The following WIPI2 variants were observed in gnomAD, a reference collection of about 807,000 sequenced individuals.
The protein encoded by WIPI2 is WD repeat domain, phosphoinositide interacting 2.
WIPI2 carries 28 observed loss-of-function variants against 52.3 expected under a neutral mutation model. The observed-to-expected ratio is 0.54, with a 90% CI of 0.40 to 0.73. WIPI2 has a LOEUF of 0.73. Among genes scored for constraint, WIPI2 ranks in the 30% least tolerant of loss-of-function variants. The pLI is 0.00. For missense variants in WIPI2, 506 were observed against 602.9 expected (o/e 0.84, Z 1.68); for synonymous variants, 268 against 245.0 (o/e 1.09, Z -0.88).
rs747607185 is a variant in WIPI2 at position 5,225,859 on chromosome 7, C to T, written c.777C>T (p.Asp259=). 44 of 1,613,634 alleles carry T rather than the reference C, an allele frequency of 2.7e-5. No homozygotes were observed. The highest frequency in any genetic ancestry group is 1.6e-4 in the Middle Eastern group (1 of 6,084). ...VSICSLAFSM[D]GMFLSASSNT... is the part of the protein sequence containing the mutation. Reference sequence around the variant, plus strand: ...TCTGCTCCCTGGCCTTCAGCATGGACGGCATGTTCCTCTCCGCCTCCAGCA... The same window carrying T: ...TCTGCTCCCTGGCCTTCAGCATGGATGGCATGTTCCTCTCCGCCTCCAGCA... The change falls in exon 9 of 13, where the codon GAC becomes GAT. Residue 259 remains aspartate, a synonymous_variant. Coordinates refer to ENST00000288828, the MANE Select transcript of WIPI2 (RefSeq NM_015610.4).
intron 3 of WIPI2, among the ~76,000 whole-genome samples, chr7:5,209,880 T>C (rs576679753): frequency 4.2e-4 from 64 of 152,250 alleles, no homozygotes; most frequent in African/African-American, 1.5e-3. Flanking sequence ...ATATTTCTAC[T>C]TCTCCAGAAC....
chr7:5,194,625 A>G (rs1781653025), intron 2 of WIPI2, among the ~76,000 whole-genome samples: 2 of 152,172 alleles, frequency 1.3e-5, no homozygotes, highest in Non-Finnish European at 1.5e-5. Flanking sequence ...TACATTTTCT[A>G]ATTTTAAACA....
Position 5,231,064 on chromosome 7 carries a change from TAA to T in WIPI2, c.*129_*130del, listed in dbSNP as rs371468533. ...GGGGAGAGGATGGCAGAGACTTTAT[TAA>T]AAAAAAAAAAAGATTGTAGTGGTAG... On this transcript the variant is annotated 3_prime_UTR_variant, in exon 13 of 13. Transcript: ENST00000288828. The T allele has an allele frequency of 1.6e-3, 885 of 544,400 alleles. No homozygotes were observed. The highest frequency in any genetic ancestry group is 3.9e-3 in the South Asian group (96 of 24,770). The allele number at this position is 544,400 out of a possible 1,614,324, so 33.7% of individuals were successfully genotyped here.
In WIPI2 at chr7:5,222,507, G is replaced by A. The variant is rs144334401; in HGVS notation, c.670-95G>A. 2.2e-3 allele frequency: 2,927 copies of A among 1,309,088 alleles called. 10 individuals carry two copies. Among genetic ancestry groups the A allele is most frequent in the Non-Finnish European group, 2.7e-3 (2,462 of 907,052 alleles). The allele number at this position is 1,309,088 out of a possible 1,614,324, so 81.1% of individuals were successfully genotyped here. A position where few individuals can be genotyped will look rare whatever the true frequency, so the allele number is the denominator to read the frequency against. The stretch of plus-strand genomic sequence containing the variant: ...TGGCCCAGGGCAGAGCTGTCCTGGA[G>A]ATAGCCGTGTGGCGCATTTGCAGTC... On this transcript the variant is annotated intron_variant, in intron 7 of 12. Transcript: ENST00000288828.
chr7:5,197,905 G>A (rs1319052367), intron 2 of WIPI2, among the ~76,000 whole-genome samples: 1 of 152,158 alleles, frequency 6.6e-6, no homozygotes, highest in Non-Finnish European at 1.5e-5. Flanking sequence ...TTCTTCTGCT[G>A]AAAGCTGGAC....
intron 5 of WIPI2, 111 bp from the exon 6 acceptor site, chr7:5,216,979 G>T: frequency 9.0e-7 from 1 of 1,116,042 alleles, no homozygotes; most frequent in Non-Finnish European, 1.3e-6. Context: ...TTGTATCCAA[G>T]CTATTATTTG....
Position 5,222,741 on chromosome 7 carries a change from G to A in WIPI2, c.740+69G>A. On this transcript the variant is annotated intron_variant, in intron 8 of 12. Coordinates refer to ENST00000288828, the MANE Select transcript of WIPI2 (RefSeq NM_015610.4). ...TGGATTTCAGTTTTATGTTATCTATGAACAAACAAGTAGAACCCCCAGGAG... is the reference window on the plus strand; with the variant it reads ...TGGATTTCAGTTTTATGTTATCTATAAACAAACAAGTAGAACCCCCAGGAG... The A allele has an allele frequency of 2.1e-6, 3 of 1,457,600 alleles. No individual in the cohort carries two copies. The South Asian group carries it at 3.5e-5, about 17-fold the overall frequency. 90.3% of individuals were successfully genotyped at this position (1,457,600 alleles called of 1,614,324 possible). A position where few individuals can be genotyped will look rare whatever the true frequency, so the allele number is the denominator to read the frequency against.
In WIPI2 at chr7:5,216,829, T is replaced by TA. The variant is rs932758763; in HGVS notation, c.478+172dup. 3.3e-5 allele frequency: 24 copies of TA among 719,816 alleles called. No individual in the cohort carries two copies. The African/African-American group carries it at 3.7e-4, about 11-fold the overall frequency. 44.6% of individuals were successfully genotyped at this position (719,816 alleles called of 1,614,324 possible). ...TACTGATGCTGGTCATGTGACCACA[T>TA]AAGCTCATTGGTTTGATCAACTTTC... On this transcript the variant is annotated intron_variant, in intron 5 of 12. Coordinates refer to ENST00000288828, the MANE Select transcript of WIPI2 (RefSeq NM_015610.4).
At chr7:5,223,855 C>T (rs982803685) in intron 8 of WIPI2, among the ~76,000 whole-genome samples, 3 of 152,240 alleles carry the variant, frequency 2.0e-5, no homozygotes, top group South Asian at 2.1e-4. Flanking sequence ...CTGCATCCTT[C>T]CGCCTGAATG....
At chr7:5,229,522 T>A in intron 11 of WIPI2, 86 bp from the exon 12 acceptor site, 1 of 1,507,990 alleles carries the variant, frequency 6.6e-7, no homozygotes, top group Non-Finnish European at 8.9e-7. Flanking sequence ...GTGTGCTGGC[T>A]CTGTTGCCGC....
At chr7:5,204,453 A>G (rs1315580385) in intron 3 of WIPI2, among the ~76,000 whole-genome samples, 1 of 152,192 alleles carries the variant, frequency 6.6e-6, no homozygotes, top group Non-Finnish European at 1.5e-5. Flanking sequence ...GGCTGTCTCA[A>G]AAAAATTAAA....
At chr7:5,213,371 A>C (rs978970083) in intron 3 of WIPI2, 1 of 152,468 alleles carries the variant, frequency 6.6e-6, no homozygotes, top group African/African-American at 2.4e-5. Flanking sequence ...GGCCCGTTCC[A>C]TTTGAAGTGG....
chr7:5,212,098 G>A (rs900606808), intron 3 of WIPI2, among the ~76,000 whole-genome samples: 3 of 152,178 alleles, frequency 2.0e-5, no homozygotes, highest in Non-Finnish European at 4.4e-5. Context: ...CATTTGGGGA[G>A]TTTGGGGAAT....
intron 2 of WIPI2, among the ~76,000 whole-genome samples, chr7:5,199,262 G>GAA (rs1460785815): frequency 5.9e-5 from 9 of 152,044 alleles, no homozygotes; most frequent in African/African-American, 2.2e-4. Context: ...GGCTAATCTT[G>GAA]AACTCCTGGG....
At chr7:5,215,024 T>C (rs1378078632) in intron 4 of WIPI2, among the ~76,000 whole-genome samples, 4 of 152,154 alleles carry the variant, frequency 2.6e-5, no homozygotes, top group African/African-American at 7.2e-5. Context: ...AAAAAAAATA[T>C]ATTTGGCCGA....
chr7:5,190,372 T>TCG lies in WIPI2; in HGVS notation c.-38_-37dup, dbSNP rs922203982. ...ACCCTGAGTGCAGCCTGACCCGCCCTCGCGCGCGCGCCCTCCCCGGCCGGG... is the reference window on the plus strand; with the variant it reads ...ACCCTGAGTGCAGCCTGACCCGCCCTCGCGCGCGCGCGCCCTCCCCGGCCGGG... On this transcript the variant is annotated 5_prime_UTR_variant, in exon 1 of 13. Coordinates refer to ENST00000288828, the MANE Select transcript of WIPI2 (RefSeq NM_015610.4). The TCG allele has an allele frequency of 6.8e-5, 86 of 1,272,680 alleles. No individual in the cohort carries two copies. The highest frequency in any genetic ancestry group is 7.7e-5 in the Non-Finnish European group (77 of 1,001,798). 78.8% of individuals were successfully genotyped at this position (1,272,680 alleles called of 1,614,324 possible).
At chr7:5,218,250 G>A in intron 7 of WIPI2, 1 of 467,516 alleles carries the variant, frequency 2.1e-6, no homozygotes, top group Non-Finnish European at 3.9e-6. Context: ...ATACAGAAAT[G>A]TCCAGAGGAG....
At chr7:5,200,737 T>C (rs1781983805) in intron 3 of WIPI2, among the ~76,000 whole-genome samples, 1 of 152,168 alleles carries the variant, frequency 6.6e-6, no homozygotes, top group South Asian at 2.1e-4. Flanking sequence ...TCGGACTCGC[T>C]CCTGGGCCCT....
intron 8 of WIPI2, among the ~76,000 whole-genome samples, chr7:5,224,673 G>T (rs747274556): frequency 3.9e-5 from 6 of 152,198 alleles, no homozygotes; most frequent in Non-Finnish European, 8.8e-5. Flanking sequence ...TGAGTTCCTG[G>T]CTGGGGGCCA....
Sources: gnomAD v4.1 joint callset for allele counts (sites outside exome capture counted in the v4.1 genomes callset) on GRCh38, gnomAD v4.1.1 for gene constraint, MANE v1.5 for transcripts, NCBI Gene and HGNC (gene_info 2026-07-23, HGNC 2026-07-21) for gene names.